TMTC4: variants seen among roughly 807,000 people sequenced by gnomAD.
TMTC4 encodes the protein transmembrane O-mannosyltransferase targeting cadherins 4, also known as protein O-mannosyl-transferase TMTC4.
Under a neutral mutation model 86.0 loss-of-function variants are expected in TMTC4, and 65 were observed. The ratio of observed to expected loss-of-function variants is 0.76; its 90% CI spans 0.62 to 0.93. TMTC4 has a LOEUF of 0.93. TMTC4 is among the 40% of genes least tolerant of loss of function. TMTC4 has a pLI of 0.00. For missense variants in TMTC4, 866 were observed against 948.1 expected (o/e 0.91, Z 1.14); for synonymous variants, 379 against 382.5 (o/e 0.99, Z 0.11).
At chr13:100,659,272 A>AT (rs1885480157) in intron 5 of TMTC4, among the ~76,000 whole-genome samples, 1 of 152,080 alleles carries the variant, frequency 6.6e-6, no homozygotes, top group African/African-American at 2.4e-5. Context: ...ATTTTGTTTA[A>AT]TTTTTTACTT....
chr13:100,651,297 A>G (rs1008605700), intron 6 of TMTC4, among the ~76,000 whole-genome samples: 2 of 152,182 alleles, frequency 1.3e-5, no homozygotes, highest in African/African-American at 4.8e-5. Flanking sequence ...GAGAGATGTA[A>G]ATACAAGATG....
rs1566652517 is a variant in TMTC4, at chr13:100,670,506, G to A, written c.-144C>T. Reference sequence around the variant, plus strand: ...GGCATGCTCTCAGCAAGTGCTGGGGGAATACTGCAGCTACTTTTCTTTTCC... The same window carrying A: ...GGCATGCTCTCAGCAAGTGCTGGGGAAATACTGCAGCTACTTTTCTTTTCC... On this transcript the variant is annotated 5_prime_UTR_variant, in exon 2 of 19. Coordinates refer to ENST00000342624, the MANE Select transcript of TMTC4 (RefSeq NM_032813.5). 1.5e-6 allele frequency: 1 copy of A among 685,868 alleles called. No individual in the cohort carries two copies. Among genetic ancestry groups the A allele is most frequent in the East Asian group, 3.1e-5 (1 of 31,794 alleles). 42.5% of individuals were successfully genotyped at this position (685,868 alleles called of 1,614,324 possible).
At chr13:100,657,907 GT>G (rs1264755972) in intron 5 of TMTC4, among the ~76,000 whole-genome samples, 1 of 152,172 alleles carries the variant, frequency 6.6e-6, no homozygotes, top group Non-Finnish European at 1.5e-5. Flanking sequence ...CCTCCTGATG[GT>G]TGGTACGTGG....
chr13:100,606,545 T>C, intron 17 of TMTC4, 118 bp from the exon 18 acceptor site: 1 of 791,798 alleles, frequency 1.3e-6, no homozygotes. Context: ...ATCAATGCAT[T>C]CCTCCAGAAA....
At chr13:100,654,133 C>T (rs1399556006) in intron 6 of TMTC4, among the ~76,000 whole-genome samples, 1 of 152,190 alleles carries the variant, frequency 6.6e-6, no homozygotes, top group Non-Finnish European at 1.5e-5. Context: ...TCCCAGTCCA[C>T]CTATCTGTCT....
chr13:100,627,452 A>G (rs1031876576), intron 12 of TMTC4, among the ~76,000 whole-genome samples: 21 of 152,106 alleles, frequency 1.4e-4, no homozygotes, highest in Middle Eastern at 3.4e-3. Flanking sequence ...GAGGGAAGAG[A>G]CTGCTCCCTG....
At chr13:100,658,964 A>C (rs1382029188) in intron 5 of TMTC4, among the ~76,000 whole-genome samples, 1 of 152,262 alleles carries the variant, frequency 6.6e-6, no homozygotes, top group African/African-American at 2.4e-5. Flanking sequence ...GAGAATGTAC[A>C]TAAGCAAGAA....
intron 3 of TMTC4, among the ~76,000 whole-genome samples, chr13:100,665,434 G>A (rs1170844548): frequency 6.6e-6 from 1 of 152,216 alleles, no homozygotes; most frequent in African/African-American, 2.4e-5. Context: ...TTCTTCAAAG[G>A]GGAGTTTGCA....
chr13:100,637,920 A>T lies in TMTC4; in HGVS notation c.834+10T>A. 1.9e-6 allele frequency: 3 copies of T among 1,601,770 alleles called. No homozygotes were observed. Among genetic ancestry groups the T allele is most frequent in the Non-Finnish European group, 2.6e-6 (3 of 1,172,124 alleles). On this transcript the variant is annotated intron_variant, in intron 8 of 18. Transcript: ENST00000342624. ...CCATGTCTGGGCTGGAGATAAAAGTACAGACTCACCTCTAATGACTTGTCC... is the reference window on the plus strand; with the variant it reads ...CCATGTCTGGGCTGGAGATAAAAGTTCAGACTCACCTCTAATGACTTGTCC...
chr13:100,634,955 T>C lies in TMTC4; in HGVS notation c.1375-19A>G. 2 of 1,612,936 alleles carry C rather than the reference T, an allele frequency of 1.2e-6. No homozygotes were observed. Among genetic ancestry groups the C allele is most frequent in the Non-Finnish European group, 1.7e-6 (2 of 1,179,262 alleles). On this transcript the variant is annotated intron_variant, in intron 11 of 18. Coordinates refer to ENST00000342624, the MANE Select transcript of TMTC4 (RefSeq NM_032813.5). ...TGAGTTTCTTAAGAACAGAAAGACA[T>C]GGTAATTGTCACCAGTGAGATGCAT...
rs879289105 is a variant in TMTC4, at chr13:100,630,035, G to A, written c.1507-3885C>T. 1.9e-4 allele frequency among the ~76,000 whole-genome samples: 29 copies of A among 148,862 alleles called. No individual in the cohort carries two copies. The East Asian group carries it at 2.2e-3, about 11-fold the overall frequency. ...CCACCCAATCTGTGTGTATGTGTGT[G>A]TGTGTGTGTGTGTGTGTGTGTGTGT... is the stretch of plus-strand genomic sequence containing the variant. On this transcript the variant is annotated intron_variant, in intron 12 of 18. Transcript: ENST00000342624.
Position 100,608,034 on chromosome 13 carries a change from A to C in TMTC4, c.2065-1607T>G, listed in dbSNP as rs575226320. Among the ~76,000 whole-genome samples the C allele has an allele frequency of 2.6e-5, 4 of 152,352 alleles. No individual in the cohort carries two copies. In the South Asian group the frequency reaches 8.3e-4, roughly 32 times the overall value. Reference sequence around the variant, plus strand: ...TTTCAAACATTTCCATTTAAAACCTAAAACTTGAGACATAGGAAGGCCAGG... The same window carrying C: ...TTTCAAACATTTCCATTTAAAACCTCAAACTTGAGACATAGGAAGGCCAGG... On this transcript the variant is annotated intron_variant, in intron 17 of 18. Coordinates refer to ENST00000342624, the MANE Select transcript of TMTC4 (RefSeq NM_032813.5).
rs1399182235 is a variant in TMTC4 at position 100,636,612 on chromosome 13, T to C, written c.1122A>G (p.Val374=). ...AGAACCAGAGTGCTGCAAGTGCAATTACCCTCCAGTCGCTGATGGACTTAA... is the reference window on the plus strand; with the variant it reads ...AGAACCAGAGTGCTGCAAGTGCAATCACCCTCCAGTCGCTGATGGACTTAA... ...PLIKSISDWR[V]IALAALWFCL... is the part of the protein sequence containing the mutation. Residue 374 remains valine, a synonymous_variant, in exon 10 of 19, where the codon GTA becomes GTG. Transcript: ENST00000342624. The C allele has an allele frequency of 2.5e-6, 4 of 1,614,194 alleles. No individual in the cohort carries two copies. The South Asian group carries it at 3.3e-5, about 13-fold the overall frequency.
intron 2 of TMTC4, 59 bp from the exon 3 acceptor site, chr13:100,668,853 G>A (rs1240484900): frequency 1.3e-6 from 2 of 1,515,248 alleles, no homozygotes; most frequent in African/African-American, 2.7e-5. Context: ...CGTTTCTGCA[G>A]TGGGCACCGT....
At chr13:100,635,468 C>T (rs560353419) in intron 10 of TMTC4, among the ~76,000 whole-genome samples, 1 of 152,208 alleles carries the variant, frequency 6.6e-6, no homozygotes, top group East Asian at 1.9e-4. Context: ...TTAGCATGAT[C>T]GCATTTCTGA....
intron 15 of TMTC4, chr13:100,623,832 C>A: frequency 2.2e-6 from 1 of 453,608 alleles, no homozygotes; most frequent in East Asian, 6.6e-5. Flanking sequence ...CTTTGTGCGG[C>A]CAAAACCAGA....
intron 17 of TMTC4, among the ~76,000 whole-genome samples, chr13:100,607,527 A>ATGGCCTGTGGT (rs1566552844): frequency 6.6e-6 from 1 of 152,036 alleles, no homozygotes; most frequent in African/African-American, 2.4e-5. Flanking sequence ...AAAAAAAAAA[A>ATGGCCTGTGGT]AAAAATCGGT....
At chr13:100,663,304 C>T in intron 4 of TMTC4, 124 bp from the exon 5 acceptor site, 1 of 835,986 alleles carries the variant, frequency 1.2e-6, no homozygotes, top group Non-Finnish European at 1.9e-6. Flanking sequence ...TTTGTGCCAG[C>T]TTGATAAAAA....
intron 6 of TMTC4, among the ~76,000 whole-genome samples, chr13:100,653,994 C>G (rs1884762835): frequency 6.6e-6 from 1 of 152,228 alleles, no homozygotes; most frequent in Non-Finnish European, 1.5e-5. Flanking sequence ...CTGGTGGTGA[C>G]TCCATCGGCT....
Sources: allele counts gnomAD v4.1 joint callset (sites outside exome capture counted in the v4.1 genomes callset), GRCh38; gene constraint gnomAD v4.1.1; transcripts MANE v1.5; gene names NCBI Gene and HGNC (gene_info 2026-07-23, HGNC 2026-07-21).